Variants in SMURF2 observed in about 807,000 individuals in gnomAD.
The protein encoded by SMURF2 is E3 ubiquitin-protein ligase SMURF2.
SMURF2 carries 48 observed loss-of-function variants against 109.6 expected under a neutral mutation model. The ratio of observed to expected loss-of-function variants is 0.44; its 90% CI spans 0.35 to 0.56. SMURF2 has a LOEUF of 0.56. Ranked by LOEUF, SMURF2 falls within the 20% of genes least tolerant of loss-of-function variation. SMURF2 has a pLI of 0.01. For missense variants in SMURF2, 575 were observed against 909.0 expected (o/e 0.63, Z 4.72); for synonymous variants, 288 against 317.1 (o/e 0.91, Z 0.97).
In SMURF2 at chr17:64,562,449, G is replaced by A. The variant is rs145504867; in HGVS notation, c.1212+322C>T. 8.2e-3 allele frequency among the ~76,000 whole-genome samples: 1,216 copies of A among 148,178 alleles called. 17 individuals are homozygous for A. The highest frequency in any genetic ancestry group is 0.028 in the African/African-American group (1,125 of 40,228). The stretch of plus-strand genomic sequence containing the variant: ...GGCTGGAGTACAATGGTACAATCTC[G>A]GCTCACCGCAACCTCCGCCTCCTGG... On this transcript the variant is annotated intron_variant, in intron 11 of 18. Coordinates refer to ENST00000262435, the MANE Select transcript of SMURF2 (RefSeq NM_022739.4).
intron 1 of SMURF2, among the ~76,000 whole-genome samples, chr17:64,639,556 G>A (rs544380187): frequency 2.8e-4 from 42 of 151,968 alleles, no homozygotes; most frequent in African/African-American, 8.7e-4. Context: ...CAGTCTGGGC[G>A]ACAGAGCGAG....
chr17:64,616,938 C>T (rs1339886738), intron 1 of SMURF2, among the ~76,000 whole-genome samples: 6 of 150,726 alleles, frequency 4.0e-5, no homozygotes, highest in African/African-American at 2.4e-5. Flanking sequence ...AAAAATAGCC[C>T]GGCATGGTGG....
At chr17:64,652,208 C>T (rs9902749) in intron 1 of SMURF2, among the ~76,000 whole-genome samples, 20,915 of 152,020 alleles carry the variant, frequency 0.14, 2,184 homozygotes, top group African/African-American at 0.28. Context: ...CTAGGCTTTT[C>T]CTAATTTCTT....
chr17:64,594,212 T>C (rs1969786804), intron 3 of SMURF2: 1 of 152,138 alleles, frequency 6.6e-6, no homozygotes, highest in South Asian at 2.1e-4. Flanking sequence ...CATCAACCCA[T>C]GCAAAAAGAT....
intron 2 of SMURF2, among the ~76,000 whole-genome samples, chr17:64,604,297 T>C (rs1382704744): frequency 1.3e-5 from 2 of 152,166 alleles, no homozygotes; most frequent in African/African-American, 2.4e-5. Flanking sequence ...ATCACACTGT[T>C]TCCCCTAATC....
chr17:64,566,575 T>TTTTTTTTTTTTTTG (rs1568176836), intron 10 of SMURF2, among the ~76,000 whole-genome samples: 5 of 103,262 alleles, frequency 4.8e-5, no homozygotes, highest in Non-Finnish European at 1.0e-4. Flanking sequence ...TTTTTTTTTT[T>TTTTTTTTTTTTTTG]TTTTTTTTTT....
chr17:64,575,657 C>A (rs1034132198), intron 9 of SMURF2, among the ~76,000 whole-genome samples: 4 of 151,824 alleles, frequency 2.6e-5, no homozygotes, highest in African/African-American at 9.7e-5. Context: ...CTAGTCACAT[C>A]TGTTTTTTAT....
At chr17:64,562,673 C>A (rs1393824213) in intron 11 of SMURF2, 98 bp downstream of exon 11, 3 of 1,246,624 alleles carry the variant, frequency 2.4e-6, no homozygotes, top group Non-Finnish European at 3.3e-6. Flanking sequence ...CCACCGCACC[C>A]GGCCAATTTC....
rs1275648700 is a variant in SMURF2, at chr17:64,603,380, G to C, written c.91+3222C>G. Among the ~76,000 whole-genome samples the C allele has an allele frequency of 5.3e-5, 8 of 151,690 alleles. No individual in the cohort carries two copies. The East Asian group carries it at 1.6e-3, about 30-fold the overall frequency. On this transcript the variant is annotated intron_variant, in intron 2 of 18. Coordinates refer to ENST00000262435, the MANE Select transcript of SMURF2 (RefSeq NM_022739.4). The stretch of plus-strand genomic sequence containing the variant: ...GCGGATCACATGAGGTCAGGAGTTC[G>C]AGACCAGCCTGGCCAACATGGTGAA...
chr17:64,598,325 G>T, intron 3 of SMURF2, 57 bp downstream of exon 3: 2 of 1,367,390 alleles, frequency 1.5e-6, no homozygotes, highest in Non-Finnish European at 2.0e-6. Flanking sequence ...TATTTTCAAA[G>T]ACTATATCAA....
intron 15 of SMURF2, 121 bp from the exon 16 acceptor site, chr17:64,551,825 C>T: frequency 1.6e-6 from 2 of 1,245,190 alleles, no homozygotes; most frequent in East Asian, 2.5e-5. Flanking sequence ...ACGGTTTAGC[C>T]TCAAGTCTAA....
intron 2 of SMURF2, among the ~76,000 whole-genome samples, chr17:64,605,445 G>A (rs782766930): frequency 6.6e-5 from 10 of 151,570 alleles, no homozygotes; most frequent in Non-Finnish European, 1.2e-4. Flanking sequence ...TATATTGGCC[G>A]GGCACAGTGG....
chr17:64,640,938 G>GA (rs546571590), intron 1 of SMURF2, among the ~76,000 whole-genome samples: 3 of 144,466 alleles, frequency 2.1e-5, no homozygotes, highest in Middle Eastern at 3.6e-3. Flanking sequence ...AAAGAAAAAA[G>GA]AAAAAAAAGA....
intron 14 of SMURF2, 101 bp from the exon 15 acceptor site, chr17:64,555,094 T>C (rs1969100225): frequency 2.6e-6 from 3 of 1,163,152 alleles, no homozygotes; most frequent in Non-Finnish European, 3.6e-6. Flanking sequence ...TTTTATAATA[T>C]AACAAATGTG....
chr17:64,598,387 A>C lies in SMURF2; in HGVS notation c.195T>G (p.Tyr65Ter). ...NTLDPKWNQH[Y>*]DLYIGKSDSV... ...AACTAATTGTTGAAACCTACAGGTC[A>C]TAATGCTGATTCCACTTTGGATCAA... The change falls in exon 3 of 19, where the codon TAT becomes TAG. Residue 65 changes from tyrosine (Y) to a stop codon, truncating the protein, a stop_gained. Transcript: ENST00000262435. LOFTEE classifies it high-confidence loss of function. 6.3e-7 allele frequency: 1 copy of C among 1,599,870 alleles called. No homozygotes were observed. Among genetic ancestry groups the C allele is most frequent in the Non-Finnish European group, 8.5e-7 (1 of 1,173,602 alleles).
intron 1 of SMURF2, among the ~76,000 whole-genome samples, chr17:64,609,323 A>C (rs555201597): frequency 2.6e-5 from 4 of 152,212 alleles, no homozygotes; most frequent in African/African-American, 9.7e-5. Flanking sequence ...AGACAATCCT[A>C]AGCAAAAAGA....
intron 16 of SMURF2, among the ~76,000 whole-genome samples, chr17:64,548,867 A>G (rs74630491): frequency 6.6e-6 from 1 of 152,162 alleles, no homozygotes; most frequent in Non-Finnish European, 1.5e-5. Flanking sequence ...TACTAATCTA[A>G]CATGTTTGTT....
intron 4 of SMURF2, among the ~76,000 whole-genome samples, chr17:64,592,810 C>A (rs1326222255): frequency 6.6e-6 from 1 of 152,206 alleles, no homozygotes; most frequent in African/African-American, 2.4e-5. Context: ...AAAACCACTT[C>A]TAATGTCCTG....
chr17:64,652,496 T>C (rs1221220257), intron 1 of SMURF2, among the ~76,000 whole-genome samples: 1 of 152,182 alleles, frequency 6.6e-6, no homozygotes, highest in African/African-American at 2.4e-5. Flanking sequence ...TTTGTTTGTT[T>C]GTTTGTTTTG....
Sources: allele counts gnomAD v4.1 joint callset (sites outside exome capture counted in the v4.1 genomes callset), GRCh38; gene constraint gnomAD v4.1.1; transcripts MANE v1.5; gene names NCBI Gene and HGNC (gene_info 2026-07-23, HGNC 2026-07-21).